The following PLXDC2 variants were observed in gnomAD, a reference collection of about 807,000 sequenced individuals.
PLXDC2 encodes plexin domain-containing protein 2.
PLXDC2 carries 40 observed loss-of-function variants against 68.9 expected under a neutral mutation model. The observed-to-expected ratio is 0.58, with a 90% CI of 0.45 to 0.76. The LOEUF (loss-of-function observed/expected upper bound fraction) is 0.76, where lower values mean the gene tolerates loss of function less well. Ranked by LOEUF, PLXDC2 falls within the 30% of genes least tolerant of loss-of-function variation. The probability of loss-of-function intolerance (pLI) is 0.00; values close to 1 mark genes in which losing one functional copy is unlikely to be tolerated. For synonymous variants in PLXDC2, 243 were observed against 234.2 expected, an observed-to-expected ratio of 1.04 and a Z score of -0.34; for missense variants, 644 against 661.9, an observed-to-expected ratio of 0.97 and a Z score of 0.30.
At chr10:20,193,197 T>C (rs1834792033) in intron 9 of PLXDC2, among the ~76,000 whole-genome samples, 1 of 152,086 alleles carries the variant, frequency 6.6e-6, no homozygotes, top group South Asian at 2.1e-4. Context: ...AATGGAATTC[T>C]TGTGACACAG....
At chr10:20,249,877 A>G (rs963675946) in intron 13 of PLXDC2, among the ~76,000 whole-genome samples, 3 of 152,134 alleles carry the variant, frequency 2.0e-5, no homozygotes, top group Admixed American at 1.3e-4. Flanking sequence ...ATGTAACCCA[A>G]TGGATATCTT....
chr10:19,823,722 C>T (rs914366943), intron 1 of PLXDC2, among the ~76,000 whole-genome samples: 1 of 152,076 alleles, frequency 6.6e-6, no homozygotes, highest in Non-Finnish European at 1.5e-5. Flanking sequence ...TTCAGTGGCT[C>T]ACACCTGTAA....
intron 1 of PLXDC2, among the ~76,000 whole-genome samples, chr10:19,819,256 A>G (rs982600002): frequency 2.6e-5 from 4 of 152,234 alleles, no homozygotes; most frequent in Admixed American, 1.3e-4. Flanking sequence ...AAACCCATAT[A>G]TTGATAGGAT....
chr10:19,843,645 T>C (rs1175704532), intron 1 of PLXDC2, among the ~76,000 whole-genome samples: 2 of 152,236 alleles, frequency 1.3e-5, no homozygotes, highest in Non-Finnish European at 2.9e-5. Flanking sequence ...GAGGTCATTA[T>C]ATTAGGGGAA....
chr10:20,010,520 C>CA (rs774499481), intron 2 of PLXDC2, among the ~76,000 whole-genome samples: 1 of 151,908 alleles, frequency 6.6e-6, no homozygotes, highest in African/African-American at 2.4e-5. Context: ...TTTATTGAAA[C>CA]AAAAATGGAA....
chr10:20,076,137 G>A (rs570158091), intron 4 of PLXDC2, among the ~76,000 whole-genome samples: 4 of 152,290 alleles, frequency 2.6e-5, no homozygotes, highest in African/African-American at 9.6e-5. Context: ...AACAATATAT[G>A]CCAGATGCTC....
At chr10:19,823,964 C>T (rs145336731) in intron 1 of PLXDC2, among the ~76,000 whole-genome samples, 6 of 152,222 alleles carry the variant, frequency 3.9e-5, no homozygotes, top group East Asian at 3.9e-4. Flanking sequence ...GCTGTGATTA[C>T]ACCACTGCAT....
chr10:20,136,713 C>A (rs1833937929), intron 4 of PLXDC2, among the ~76,000 whole-genome samples: 1 of 152,166 alleles, frequency 6.6e-6, no homozygotes, highest in Non-Finnish European at 1.5e-5. Context: ...ATCATTTGCA[C>A]CCTGAAGACA....
intron 5 of PLXDC2, among the ~76,000 whole-genome samples, chr10:20,147,276 GA>G (rs1834092850): frequency 6.6e-6 from 1 of 152,136 alleles, no homozygotes; most frequent in Non-Finnish European, 1.5e-5. Context: ...CAAGCATTGT[GA>G]ACTCAAGGAG....
At chr10:19,900,051 TG>T (rs2131366672) in intron 1 of PLXDC2, among the ~76,000 whole-genome samples, 1 of 152,318 alleles carries the variant, frequency 6.6e-6, no homozygotes, top group South Asian at 2.1e-4. Context: ...AATTTCAATT[TG>T]GCCACATTAT....
chr10:19,827,350 A>G (rs1246481116), intron 1 of PLXDC2, among the ~76,000 whole-genome samples: 1 of 152,128 alleles, frequency 6.6e-6, no homozygotes, highest in African/African-American at 2.4e-5. Flanking sequence ...CTATTTCAGG[A>G]GGTTCTTTCC....
chr10:20,190,068 A>G (rs1308161227), intron 9 of PLXDC2, among the ~76,000 whole-genome samples: 1 of 151,908 alleles, frequency 6.6e-6, no homozygotes, highest in Non-Finnish European at 1.5e-5. Flanking sequence ...AACTGGAGAT[A>G]AAGTCTGCAG....
intron 12 of PLXDC2, among the ~76,000 whole-genome samples, chr10:20,240,090 C>T (rs1428639105): frequency 6.6e-6 from 1 of 152,156 alleles, no homozygotes; most frequent in Admixed American, 6.6e-5. Context: ...CTCCCTCTAT[C>T]CTCAAGTAGG....
At chr10:20,012,680 G>C (rs184334032) in intron 2 of PLXDC2, among the ~76,000 whole-genome samples, 31 of 152,126 alleles carry the variant, frequency 2.0e-4, no homozygotes, top group Admixed American at 7.9e-4. Flanking sequence ...CATTGCTTTT[G>C]TGTTTGTGAT....
At chr10:19,828,376 C>T (rs1001635235) in intron 1 of PLXDC2, among the ~76,000 whole-genome samples, 6 of 152,124 alleles carry the variant, frequency 3.9e-5, no homozygotes, top group Admixed American at 3.9e-4. Context: ...TTTATTTAGA[C>T]TACAGGCATT....
At chr10:20,136,003 T>G (rs1023810207) in intron 4 of PLXDC2, among the ~76,000 whole-genome samples, 5 of 152,322 alleles carry the variant, frequency 3.3e-5, no homozygotes, top group Non-Finnish European at 2.9e-5. Flanking sequence ...TTCATATATT[T>G]TAACTTGATA....
Position 20,001,927 on chromosome 10 carries a change from C to G in PLXDC2, c.265C>G (p.Pro89Ala), listed in dbSNP as rs1330026801. 2 of 1,613,310 alleles carry G rather than the reference C, an allele frequency of 1.2e-6. No homozygotes were observed. Among genetic ancestry groups the G allele is most frequent in the Admixed American group, 3.3e-5 (2 of 59,982 alleles). ...AAGCGTCGGCCAAGACTCTCCTGAG[C>G]CCAGAAGCTTCACAGACCTGCTGCT... ...RASVGQDSPEPRSFTDLLLDD... is the reference protein window; with the variant it reads ...RASVGQDSPEARSFTDLLLDD... The change falls in exon 2 of 14, where the codon CCC (proline) becomes GCC (alanine). Residue 89 changes from proline to alanine, a missense_variant. By Grantham distance (27) the Pro-to-Ala change is conservative. Coordinates refer to ENST00000377252, the MANE Select transcript of PLXDC2 (RefSeq NM_032812.9).
At chr10:20,262,075 A>G (rs1835814919) in intron 13 of PLXDC2, among the ~76,000 whole-genome samples, 1 of 152,162 alleles carries the variant, frequency 6.6e-6, no homozygotes, top group Non-Finnish European at 1.5e-5. Context: ...CAAGGAAACA[A>G]CTTGACCCAC....
chr10:19,888,004 C>A (rs940222775), intron 1 of PLXDC2, among the ~76,000 whole-genome samples: 1 of 152,192 alleles, frequency 6.6e-6, no homozygotes, highest in Non-Finnish European at 1.5e-5. Flanking sequence ...TTGCAGTTTG[C>A]TGTGTGGTCT....
Sources: allele counts gnomAD v4.1 joint callset (sites outside exome capture counted in the v4.1 genomes callset), GRCh38; gene constraint gnomAD v4.1.1; transcripts MANE v1.5; gene names NCBI Gene and HGNC (gene_info 2026-07-23, HGNC 2026-07-21).